The following ARHGEF28 variants were observed in gnomAD, a reference collection of about 807,000 sequenced individuals.
ARHGEF28 encodes 190 kDa guanine nucleotide exchange factor.
A neutral mutation model predicts 206.6 loss-of-function variants in ARHGEF28; 152 were observed. The observed-to-expected ratio is 0.74, with a 90% CI of 0.64 to 0.84. ARHGEF28 has a LOEUF of 0.84. Ranked by LOEUF, ARHGEF28 falls within the 40% of genes least tolerant of loss-of-function variation. The probability of loss-of-function intolerance (pLI) is 0.00; values close to 1 mark genes in which losing one functional copy is unlikely to be tolerated. For synonymous variants in ARHGEF28, 763 were observed against 776.4 expected (o/e 0.98, Z 0.29); for missense variants, 2,028 against 2,073.2 (o/e 0.98, Z 0.42).
chr5:73,664,092 C>T (rs905522327), intron 1 of ARHGEF28, among the ~76,000 whole-genome samples: 1 of 152,198 alleles, frequency 6.6e-6, no homozygotes, highest in African/African-American at 2.4e-5. Flanking sequence ...TTTTCCTGAA[C>T]TCTCACAGCA....
At chr5:73,892,813 G>A (rs1235572736) in intron 27 of ARHGEF28, among the ~76,000 whole-genome samples, 3 of 152,148 alleles carry the variant, frequency 2.0e-5, no homozygotes, top group Admixed American at 1.3e-4. Flanking sequence ...ATTCTCAACA[G>A]TAGTTTGATT....
chr5:73,865,256 T>G (rs1759638294), intron 17 of ARHGEF28, among the ~76,000 whole-genome samples: 1 of 150,938 alleles, frequency 6.6e-6, no homozygotes, highest in South Asian at 2.1e-4. Flanking sequence ...AATTTCTGAT[T>G]CCATAGATCT....
intron 1 of ARHGEF28, among the ~76,000 whole-genome samples, chr5:73,648,721 C>T (rs570335993): frequency 1.6e-4 from 24 of 152,268 alleles, no homozygotes; most frequent in African/African-American, 5.5e-4. Context: ...CAGCCCTTCT[C>T]TCAAGAATGA....
At chr5:73,922,622 TAA>T (rs1408841594) in intron 35 of ARHGEF28, among the ~76,000 whole-genome samples, 1 of 152,216 alleles carries the variant, frequency 6.6e-6, no homozygotes, top group Non-Finnish European at 1.5e-5. Context: ...TATATAAGCC[TAA>T]ACCCTTGGAT....
chr5:73,793,407 A>G (rs183744262), intron 7 of ARHGEF28, among the ~76,000 whole-genome samples: 60 of 152,348 alleles, frequency 3.9e-4, no homozygotes, highest in African/African-American at 1.3e-3. Flanking sequence ...CAGAAGTGAG[A>G]AGAGCTTGAA....
intron 7 of ARHGEF28, among the ~76,000 whole-genome samples, chr5:73,783,789 G>A (rs1228210189): frequency 6.6e-6 from 1 of 152,114 alleles, no homozygotes; most frequent in African/African-American, 2.4e-5. Context: ...TATACGTTCA[G>A]TTTTAGACAA....
intron 2 of ARHGEF28, among the ~76,000 whole-genome samples, chr5:73,704,798 C>A (rs942591042): frequency 3.9e-5 from 6 of 152,158 alleles, no homozygotes; most frequent in African/African-American, 1.4e-4. Context: ...TTTGCCTCAT[C>A]ATACAGTTGT....
intron 1 of ARHGEF28, among the ~76,000 whole-genome samples, chr5:73,630,212 T>C (rs1196915770): frequency 6.6e-6 from 1 of 152,244 alleles, no homozygotes; most frequent in Non-Finnish European, 1.5e-5. Context: ...GCTTTTCAAT[T>C]CATTATCAAA....
chr5:73,911,463 C>G lies in ARHGEF28; in HGVS notation c.4836C>G (p.Leu1612=), dbSNP rs114663194. 5.5e-4 allele frequency: 883 copies of G among 1,614,000 alleles called. 8 individuals carry two copies. In the African/African-American group the frequency reaches 0.011, roughly 19 times the overall value. The change falls in exon 35 of 36, where the codon CTC becomes CTG. Residue 1612 remains leucine, a synonymous_variant. Coordinates refer to ENST00000513042, the MANE Select transcript of ARHGEF28 (RefSeq NM_001177693.2). ...LVRTSEHQVD[L]KVDPSQPSNV... is the part of the protein sequence containing the mutation. Reference sequence around the variant, plus strand: ...GGACTAGTGAACATCAAGTAGACCTCAAGGTGGACCCTTCTCAGCCTTCGA... The same window carrying G: ...GGACTAGTGAACATCAAGTAGACCTGAAGGTGGACCCTTCTCAGCCTTCGA...
chr5:73,755,721 G>A (rs982720759), intron 4 of ARHGEF28, among the ~76,000 whole-genome samples: 1 of 152,114 alleles, frequency 6.6e-6, no homozygotes, highest in Non-Finnish European at 1.5e-5. Flanking sequence ...ATTTTTGCTG[G>A]TAGAGATACA....
At chr5:73,680,554 G>A (rs1747016936) in intron 1 of ARHGEF28, among the ~76,000 whole-genome samples, 1 of 150,906 alleles carries the variant, frequency 6.6e-6, no homozygotes, top group African/African-American at 2.4e-5. Flanking sequence ...ACGACACATT[G>A]GGTACAGTGT....
At chr5:73,642,794 A>T (rs1159147549) in intron 1 of ARHGEF28, among the ~76,000 whole-genome samples, 1 of 152,166 alleles carries the variant, frequency 6.6e-6, no homozygotes, top group Non-Finnish European at 1.5e-5. Flanking sequence ...GATTTTAGTT[A>T]GTTGGTTTTT....
chr5:73,631,095 A>T (rs538820299), intron 1 of ARHGEF28, among the ~76,000 whole-genome samples: 1 of 152,106 alleles, frequency 6.6e-6, no homozygotes, highest in Non-Finnish European at 1.5e-5. Context: ...AGAACCCCTC[A>T]TGTAGAAGAG....
intron 29 of ARHGEF28, among the ~76,000 whole-genome samples, chr5:73,896,747 G>A (rs888471194): frequency 6.6e-6 from 1 of 152,148 alleles, no homozygotes; most frequent in Non-Finnish European, 1.5e-5. Context: ...GAAATAAATC[G>A]CCCACTCTCA....
At chr5:73,915,526 C>A (rs1321684957) in intron 35 of ARHGEF28, among the ~76,000 whole-genome samples, 3 of 152,048 alleles carry the variant, frequency 2.0e-5, no homozygotes, top group African/African-American at 7.2e-5. Context: ...TATGGGACAC[C>A]AGCCAAGACT....
chr5:73,894,469 A>G lies in ARHGEF28; in HGVS notation c.3735A>G (p.Glu1245=), dbSNP rs374859360. 5.1e-5 allele frequency: 83 copies of G among 1,613,818 alleles called. No individual in the cohort carries two copies. Among genetic ancestry groups the G allele is most frequent in the Non-Finnish European group, 6.6e-5 (78 of 1,179,856 alleles). The change falls in exon 29 of 36, where the codon GAA becomes GAG. Residue 1245 remains glutamate (E), a synonymous_variant. Transcript: ENST00000513042. ...EKLHIYAELG[E]LSGFEDVHLE... ...TGCATATCTATGCTGAACTTGGAGA[A>G]CTGAGCGGATTTGAGGACGTCCATC... is the stretch of plus-strand genomic sequence containing the variant.
At chr5:73,793,388 A>G (rs1342208016) in intron 7 of ARHGEF28, among the ~76,000 whole-genome samples, 3 of 152,236 alleles carry the variant, frequency 2.0e-5, no homozygotes, top group African/African-American at 7.2e-5. Context: ...AACTCCTAGC[A>G]TTGTTGCCCA....
In ARHGEF28 at chr5:73,846,268, T is replaced by G; in HGVS notation, c.1428T>G (p.Ser476Arg). Residue 476 changes from serine (S) to arginine (R), a missense_variant and splice_region_variant, in exon 12 of 36, where the codon AGT becomes AGG. Around this residue, in one of 3 missense-constraint regions of ARHGEF28, gnomAD observed 1,002 missense variants for 1,015.3 expected, o/e 0.99. Coordinates refer to ENST00000513042, the MANE Select transcript of ARHGEF28 (RefSeq NM_001177693.2). ...EKEQSHLKKR[S>R]SSLDALDADS... Reference sequence around the variant, plus strand: ...CTTACTTGCTGGCTTTGTGCTTTAGTTCTAGCCTTGATGCCTTGGACGCCG... The same window carrying G: ...CTTACTTGCTGGCTTTGTGCTTTAGGTCTAGCCTTGATGCCTTGGACGCCG... 1 of 1,613,088 alleles carries G rather than the reference T, an allele frequency of 6.2e-7. No homozygotes were observed. The highest frequency in any genetic ancestry group is 8.5e-7 in the Non-Finnish European group (1 of 1,179,602).
chr5:73,675,457 G>C (rs1261381323), intron 1 of ARHGEF28, among the ~76,000 whole-genome samples: 1 of 152,106 alleles, frequency 6.6e-6, no homozygotes, highest in African/African-American at 2.4e-5. Flanking sequence ...AAGCAGCCGG[G>C]TGTGGTGGCT....
Sources: gnomAD v4.1 joint callset for allele counts (sites outside exome capture counted in the v4.1 genomes callset) on GRCh38, gnomAD v4.1.1 for gene constraint, gnomAD v4.1.1 regional missense constraint, MANE v1.5 for transcripts, NCBI Gene and HGNC (gene_info 2026-07-23, HGNC 2026-07-21) for gene names.